The following DISP1 variants were observed in gnomAD, a reference collection of about 807,000 sequenced individuals.
The protein encoded by DISP1 is protein dispatched homolog 1.
DISP1 carries 30 observed loss-of-function variants against 37.3 expected under a neutral mutation model. The observed-to-expected ratio is 0.80, with a 90% confidence interval of 0.60 to 1.09. The LOEUF (loss-of-function observed/expected upper bound fraction) is 1.09. Among genes scored for constraint, DISP1 ranks in the 50% least tolerant of loss-of-function variants. The pLI, the probability that DISP1 is intolerant of heterozygous loss-of-function variation, is 0.00. For synonymous variants in DISP1, 634 were observed against 690.2 expected, an observed-to-expected ratio of 0.92 and a Z score of 1.28; for missense variants, 1,598 against 1,879.5, an observed-to-expected ratio of 0.85 and a Z score of 2.77.
chr1:222,931,523 C>A (rs1205159372), intron 2 of DISP1, among the ~76,000 whole-genome samples: 1 of 151,774 alleles, frequency 6.6e-6, no homozygotes, highest in Non-Finnish European at 1.5e-5. Flanking sequence ...AATCTCATGG[C>A]CTAAAGACAC....
intron 2 of DISP1, among the ~76,000 whole-genome samples, chr1:222,932,006 TCTTTTCATTGTAA>T (rs1673430316): frequency 6.6e-6 from 1 of 151,932 alleles, no homozygotes; most frequent in South Asian, 2.1e-4. Context: ...AGATGAAATC[TCTTTTCATTGTAA>T]CAAGAGCAAT....
chr1:222,868,111 G>A (rs913479417), intron 1 of DISP1, among the ~76,000 whole-genome samples: 1 of 152,186 alleles, frequency 6.6e-6, no homozygotes, highest in African/African-American at 2.4e-5. Context: ...AGCCAGGCAC[G>A]GTAGTGTTTG....
intron 1 of DISP1, among the ~76,000 whole-genome samples, chr1:222,826,377 C>CTTTTT (rs376799233): frequency 5.4e-5 from 6 of 110,390 alleles, no homozygotes; most frequent in African/African-American, 1.1e-4. Flanking sequence ...CACTTTAATA[C>CTTTTT]TTTTTTTTTT....
In DISP1 at chr1:223,004,892, G is replaced by A. The variant is rs1194422846; in HGVS notation, c.3495G>A (p.Lys1165=). The change falls in exon 9 of 9, where the codon AAG becomes AAA. Residue 1165 remains lysine (K), a synonymous_variant. Coordinates refer to ENST00000675850, the MANE Select transcript of DISP1 (RefSeq NM_001377229.1). The surrounding 1 kb of genome is among the most constrained non-coding windows in gnomAD (Gnocchi z 4.9). Reference sequence around the variant, plus strand: ...CCTTGTCTACAAGTCCCAGTGACAAGGGACAAAGCAAAACACATACCATAA... The same window carrying A: ...CCTTGTCTACAAGTCCCAGTGACAAAGGACAAAGCAAAACACATACCATAA... The part of the protein sequence containing the change: ...SHALSTSPSD[K]GQSKTHTINA... 1.2e-6 allele frequency: 2 copies of A among 1,609,370 alleles called. No homozygotes were observed. Among genetic ancestry groups the A allele is most frequent in the Admixed American group, 1.7e-5 (1 of 60,026 alleles).
intron 3 of DISP1, among the ~76,000 whole-genome samples, chr1:222,971,106 G>A (rs1269099031): frequency 6.6e-6 from 1 of 151,940 alleles, no homozygotes; most frequent in Non-Finnish European, 1.5e-5. Flanking sequence ...TATTAACGCT[G>A]ATTGTTAGAG....
rs543445845 is a variant in DISP1, at chr1:222,860,481, A to G, written c.-159+45403A>G. On this transcript the variant is annotated intron_variant, in intron 1 of 8. Coordinates refer to ENST00000675850, the MANE Select transcript of DISP1 (RefSeq NM_001377229.1). Reference sequence around the variant, plus strand: ...TGAGAAAGCAGGGAAGAAGAATGCTACAGAAGAATGAAAACCACATCATCT... The same window carrying G: ...TGAGAAAGCAGGGAAGAAGAATGCTGCAGAAGAATGAAAACCACATCATCT... 2.0e-5 allele frequency among the ~76,000 whole-genome samples: 3 copies of G among 152,356 alleles called. No individual in the cohort carries two copies. In the East Asian group the frequency reaches 5.8e-4, roughly 29 times the overall value.
intron 3 of DISP1, among the ~76,000 whole-genome samples, chr1:222,958,407 T>C (rs906851243): frequency 1.2e-4 from 19 of 152,226 alleles, no homozygotes; most frequent in African/African-American, 4.6e-4. Context: ...CCATACTCCA[T>C]AGACACTTGA....
rs1009519092 is a variant in DISP1 at position 222,911,324 on chromosome 1, A to G, written c.-158-17106A>G. Among the ~76,000 whole-genome samples the G allele has an allele frequency of 4.6e-5, 7 of 152,126 alleles. No individual in the cohort carries two copies. In the South Asian group the frequency reaches 1.0e-3, roughly 23 times the overall value. On this transcript the variant is annotated intron_variant, in intron 1 of 8. Transcript: ENST00000675850. ...TTCTGTAAACCAGAGCCTGCTTCCA[A>G]TTTGTATTGTCTAGAGAACAAAGGG...
chr1:222,867,515 G>T (rs1461019196), intron 1 of DISP1, among the ~76,000 whole-genome samples: 3 of 152,080 alleles, frequency 2.0e-5, no homozygotes, highest in East Asian at 1.9e-4. Flanking sequence ...GTACACAAAG[G>T]TTCTTTTAGT....
At chr1:222,917,906 T>A (rs1672585827) in intron 1 of DISP1, among the ~76,000 whole-genome samples, 1 of 152,090 alleles carries the variant, frequency 6.6e-6, no homozygotes, top group East Asian at 1.9e-4. Context: ...GGGACTAAAG[T>A]GGGAAAATGT....
chr1:222,874,773 T>C lies in DISP1; in HGVS notation c.-158-53657T>C, dbSNP rs761651225. Among the ~76,000 whole-genome samples the C allele has an allele frequency of 5.3e-5, 8 of 152,332 alleles. No individual in the cohort carries two copies. The South Asian group carries it at 1.2e-3, about 24-fold the overall frequency. On this transcript the variant is annotated intron_variant, in intron 1 of 8. Coordinates refer to ENST00000675850, the MANE Select transcript of DISP1 (RefSeq NM_001377229.1). ...CTCTCTCAACTCGTCAAAGTCATTC[T>C]CCGTCCAGCTTTGTTCCGTTGCTGG... is the stretch of plus-strand genomic sequence containing the variant.
intron 1 of DISP1, among the ~76,000 whole-genome samples, chr1:222,871,430 A>T (rs1188192707): frequency 6.6e-6 from 1 of 152,150 alleles, no homozygotes; most frequent in East Asian, 1.9e-4. Flanking sequence ...TGAGCATGGA[A>T]TGTTCTTCCA....
intron 1 of DISP1, among the ~76,000 whole-genome samples, chr1:222,868,588 A>T (rs949442079): frequency 1.3e-5 from 2 of 152,052 alleles, no homozygotes; most frequent in Non-Finnish European, 2.9e-5. Flanking sequence ...TATTAGAGAG[A>T]TCTAATAAAT....
chr1:222,949,419 A>G (rs990536706), intron 3 of DISP1, among the ~76,000 whole-genome samples: 4 of 152,084 alleles, frequency 2.6e-5, no homozygotes, highest in Admixed American at 2.0e-4. Flanking sequence ...ATTAAAATAA[A>G]GATTATTGCA....
At chr1:222,999,287 T>A (rs772552496) in intron 8 of DISP1, among the ~76,000 whole-genome samples, 1 of 152,186 alleles carries the variant, frequency 6.6e-6, no homozygotes, top group Non-Finnish European at 1.5e-5. Context: ...ATGAGAGGTA[T>A]AAGAAGTTGC....
At chr1:222,981,307 G>T (rs1216167630) in intron 3 of DISP1, among the ~76,000 whole-genome samples, 2 of 16,300 alleles carry the variant, frequency 1.2e-4, no homozygotes, top group Non-Finnish European at 9.2e-3. Context: ...GATGCTGAGA[G>T]ACCAAAAGGC....
chr1:222,960,810 A>G (rs1031392903), intron 3 of DISP1, among the ~76,000 whole-genome samples: 15 of 152,174 alleles, frequency 9.9e-5, no homozygotes, highest in African/African-American at 3.4e-4. Context: ...CAGAAATACA[A>G]ACTACCATGA....
intron 1 of DISP1, among the ~76,000 whole-genome samples, chr1:222,874,638 G>A (rs1669843955): frequency 1.3e-5 from 2 of 152,152 alleles, no homozygotes; most frequent in South Asian, 4.1e-4. Flanking sequence ...CTCTGCATTG[G>A]TTATTCTAGT....
At chr1:222,872,475 G>A (rs1324255756) in intron 1 of DISP1, 1 of 152,124 alleles carries the variant, frequency 6.6e-6, no homozygotes, top group Non-Finnish European at 1.5e-5. Context: ...CCTGTTATTG[G>A]TCTATTCAGA....
Sources: allele counts gnomAD v4.1 joint callset (sites outside exome capture counted in the v4.1 genomes callset), GRCh38; gene constraint gnomAD v4.1.1; non-coding constraint Gnocchi (gnomAD v3.1); transcripts MANE v1.5; gene names NCBI Gene and HGNC (gene_info 2026-07-23, HGNC 2026-07-21).